Variants in ZNF318 observed in about 807,000 individuals in gnomAD.
The protein encoded by ZNF318 is zinc finger protein 318, also known as endocrine regulator.
Under a neutral mutation model 124.2 loss-of-function variants are expected in ZNF318, and 51 were observed. The observed-to-expected ratio is 0.41, with a 90% CI of 0.33 to 0.52. The LOEUF (loss-of-function observed/expected upper bound fraction) is 0.52. Ranked by LOEUF, ZNF318 falls within the 20% of genes least tolerant of loss-of-function variation. ZNF318 has a pLI of 0.23. For missense variants in ZNF318, 2,815 were observed against 2,811.2 expected, an observed-to-expected ratio of 1.00 and a Z score of -0.03; for synonymous variants, 1,090 against 1,040.7, an observed-to-expected ratio of 1.05 and a Z score of -0.91.
Position 43,355,654 on chromosome 6 carries a change from A to T in ZNF318, c.1680T>A (p.Ser560Arg), listed in dbSNP as rs1291962902. Residue 560 changes from serine (S) to arginine (R), a missense_variant, in exon 4 of 10, where the codon AGT becomes AGA. Physicochemically the swap from Ser to Arg is moderately radical, Grantham distance 110. Coordinates refer to ENST00000361428, the MANE Select transcript of ZNF318 (RefSeq NM_014345.3). Reference sequence around the variant, plus strand: ...AGCTTGCCTTCTGCCTCATAACTTCACTCTCAGAGCTCCCAAGGGGCTTTG... The same window carrying T: ...AGCTTGCCTTCTGCCTCATAACTTCTCTCTCAGAGCTCCCAAGGGGCTTTG... Reference protein sequence around the residue: ...SVPKPLGSSESEVMRQKASSL... With the variant: ...SVPKPLGSSEREVMRQKASSL... 1 of 1,613,846 alleles carries T rather than the reference A, an allele frequency of 6.2e-7. No homozygotes were observed. Among genetic ancestry groups the T allele is most frequent in the Non-Finnish European group, 8.5e-7 (1 of 1,179,952 alleles).
chr6:43,359,976 G>A (rs566676412), intron 2 of ZNF318, among the ~76,000 whole-genome samples: 9 of 152,126 alleles, frequency 5.9e-5, no homozygotes, highest in Non-Finnish European at 1.3e-4. Flanking sequence ...CCTATTTCCA[G>A]AGAGGAATGT....
At position 43,357,616 on chromosome 6, in the gene ZNF318, C is replaced by T. The variant is rs144602640; in HGVS notation, c.698G>A (p.Arg233Gln). 330 of 1,613,974 alleles carry T rather than the reference C, an allele frequency of 2.0e-4. 1 individual carries two copies. The highest frequency in any genetic ancestry group is 1.3e-3 in the Middle Eastern group (8 of 6,062). The stretch of plus-strand genomic sequence containing the variant: ...ACTGATATGGGGACTATAATCAGAT[C>T]GATGCAGGAAAGTTTCTTTTGTTCG... Reference protein sequence around the residue: ...DYRTKETFLHRSDYSPHISCH... With the variant: ...DYRTKETFLHQSDYSPHISCH... Residue 233 changes from arginine to glutamine, a missense_variant, in exon 3 of 10, where the codon CGA becomes CAA. Arg to Gln is a conservative substitution (Grantham distance 43). Coordinates refer to ENST00000361428, the MANE Select transcript of ZNF318 (RefSeq NM_014345.3).
In ZNF318 at chr6:43,357,158, T is replaced by A. The variant is rs777489663; in HGVS notation, c.1156A>T (p.Ile386Phe). 2 of 1,613,878 alleles carry A rather than the reference T, an allele frequency of 1.2e-6. No homozygotes were observed. The highest frequency in any genetic ancestry group is 1.3e-5 in the African/African-American group (1 of 75,040). ...MPKKSILKKRIEVDIMEPSMQ... is the reference protein window; with the variant it reads ...MPKKSILKKRFEVDIMEPSMQ... ...GAGGGCTCCATTATGTCCACCTCAA[T>A]CCGCTTCTTCAAAATGGATTTCTTG... The change falls in exon 3 of 10, where the codon ATT (isoleucine) becomes TTT (phenylalanine). Residue 386 changes from isoleucine (I) to phenylalanine (F), a missense_variant. By Grantham distance (21) the Ile-to-Phe change is conservative. Around this residue, in one of 4 missense-constraint regions of ZNF318, gnomAD observed 1,377 missense variants for 1,353.5 expected, o/e 1.02. Coordinates refer to ENST00000361428, the MANE Select transcript of ZNF318 (RefSeq NM_014345.3).
chr6:43,367,235 C>A (rs1182736447), intron 1 of ZNF318, among the ~76,000 whole-genome samples: 1 of 152,238 alleles, frequency 6.6e-6, no homozygotes, highest in Non-Finnish European at 1.5e-5. Flanking sequence ...TTATCCAACT[C>A]TCCCTGCTAG....
chr6:43,337,694 G>C lies in ZNF318; in HGVS notation c.6304C>G (p.Pro2102Ala). 6.2e-7 allele frequency: 1 copy of C among 1,614,056 alleles called. No homozygotes were observed. Among genetic ancestry groups the C allele is most frequent in the Non-Finnish European group, 8.5e-7 (1 of 1,179,938 alleles). Residue 2102 changes from proline to alanine, a missense_variant, in exon 10 of 10, where the codon CCT (proline) becomes GCT (alanine). This residue lies in a region of ZNF318 where 927 missense variants were observed against 820.6 expected (regional missense o/e 1.13). Coordinates refer to ENST00000361428, the MANE Select transcript of ZNF318 (RefSeq NM_014345.3). ...GTAAGTCCAGTTTTCAAAATGTTAG[G>C]AGAAGGGATCCTAACACTCCTGGGA... ...PNPRSVRIPS[P>A]NILKTGLTEN... is the part of the protein sequence containing the mutation.
chr6:43,357,246 A>G lies in ZNF318; in HGVS notation c.1068T>C (p.Gly356=). The change falls in exon 3 of 10, where the codon GGT becomes GGC. Residue 356 remains glycine, a synonymous_variant. Coordinates refer to ENST00000361428, the MANE Select transcript of ZNF318 (RefSeq NM_014345.3). The stretch of plus-strand genomic sequence containing the variant: ...ATCCTGGCTCCGATGCTGTTAGGAC[A>G]CCTGACAATCCAGGGATGGAACAGC... The part of the protein sequence containing the change: ...GTGCSIPGLS[G]VLTASEPGYS... The G allele has an allele frequency of 6.2e-7, 1 of 1,614,168 alleles. No homozygotes were observed. Among genetic ancestry groups the G allele is most frequent in the Non-Finnish European group, 8.5e-7 (1 of 1,180,020 alleles).
In ZNF318 at chr6:43,340,422, T is replaced by C. The variant is rs777104940; in HGVS notation, c.3576A>G (p.Thr1192=). ...RQAGLAVVLE[T]ERRRQSELKR... is the part of the protein sequence containing the mutation. ...TTAGCTCACTCTGCCGTCGCCGTTC[T>C]GTCTCTAGGACCACAGCCAAGCCAG... Residue 1192 remains threonine, a synonymous_variant, in exon 10 of 10, where the codon ACA becomes ACG. Coordinates refer to ENST00000361428, the MANE Select transcript of ZNF318 (RefSeq NM_014345.3). 4.5e-5 allele frequency: 73 copies of C among 1,614,056 alleles called. No individual in the cohort carries two copies. In the Admixed American group the frequency reaches 8.3e-4, roughly 18 times the overall value.
chr6:43,355,762 C>T lies in ZNF318; in HGVS notation c.1572G>A (p.Arg524=), dbSNP rs564304190. The change falls in exon 4 of 10, where the codon AGG becomes AGA. Residue 524 remains arginine (R), a synonymous_variant. Transcript: ENST00000361428. Reference sequence around the variant, plus strand: ...CTTCAATGTCGGGAAAGCTACGTCGCCTTTTTTCCTGTGTACTGGTAGAAT... The same window carrying T: ...CTTCAATGTCGGGAAAGCTACGTCGTCTTTTTTCCTGTGTACTGGTAGAAT... The part of the protein sequence containing the change: ...LADSTSTQEK[R]RRSFPDIEDE... The T allele has an allele frequency of 3.1e-6, 5 of 1,614,224 alleles. No individual in the cohort carries two copies. In the African/African-American group the frequency reaches 4.0e-5, roughly 13 times the overall value.
Position 43,348,585 on chromosome 6 carries a change from G to A in ZNF318, c.2811C>T (p.His937=), listed in dbSNP as rs922030716. Residue 937 remains histidine (H), a synonymous_variant, in exon 6 of 10, where the codon CAC becomes CAT. Transcript: ENST00000361428. ...LRKKRREKDG[H]KDPLLVEVSR... ...TCACCTCCACCAAGAGAGGATCTTT[G>A]TGGCCATCCTTCTCCCTTCGTTTCT... 1 of 1,614,052 alleles carries A rather than the reference G, an allele frequency of 6.2e-7. No homozygotes were observed. Among genetic ancestry groups the A allele is most frequent in the Non-Finnish European group, 8.5e-7 (1 of 1,180,014 alleles).
chr6:43,355,932 C>G lies in ZNF318; in HGVS notation c.1402G>C (p.Glu468Gln), dbSNP rs1393814096. 6.2e-7 allele frequency: 1 copy of G among 1,614,212 alleles called. No homozygotes were observed. Among genetic ancestry groups the G allele is most frequent in the Admixed American group, 1.7e-5 (1 of 60,030 alleles). The change falls in exon 4 of 10, where the codon GAA becomes CAA. Residue 468 changes from glutamate (E) to glutamine (Q), a missense_variant. This residue lies in a region of ZNF318 where 1,377 missense variants were observed against 1,353.5 expected (regional missense o/e 1.02). Coordinates refer to ENST00000361428, the MANE Select transcript of ZNF318 (RefSeq NM_014345.3). ...TGGCATAGAAAACTTCCAAATTTTT[C>G]TCTGAGAGGACTGTTGTCTTTGGGA... ...GIPKDNSPLR[E>Q]KFGSFLCHKD...
chr6:43,346,719 TG>T (rs1779453325), intron 6 of ZNF318, among the ~76,000 whole-genome samples: 1 of 151,534 alleles, frequency 6.6e-6, no homozygotes, highest in Non-Finnish European at 1.5e-5. Flanking sequence ...AATGGGTGAG[TG>T]GGGTTGGGAG....
rs376470195 is a variant in ZNF318, at chr6:43,354,104, TACACACACAC to T, written c.2670+550_2670+559del. ...AAATATACGTATACATACACACACA[TACACACACAC>T]ACACACGTAATTTTTTAAATAAATA... On this transcript the variant is annotated intron_variant, in intron 4 of 9. Coordinates refer to ENST00000361428, the MANE Select transcript of ZNF318 (RefSeq NM_014345.3). Among the ~76,000 whole-genome samples the T allele has an allele frequency of 1.9e-4, 28 of 150,448 alleles. No homozygotes were observed. The East Asian group carries it at 3.5e-3, about 19-fold the overall frequency.
chr6:43,368,791 T>A (rs905605669), intron 1 of ZNF318, 176 bp downstream of exon 1: 11 of 985,014 alleles, frequency 1.1e-5, no homozygotes, highest in Non-Finnish European at 1.3e-5. Flanking sequence ...GAGTCCGTTA[T>A]TGTGTCAACG....
In ZNF318 at chr6:43,339,853, G is replaced by A. The variant is rs1308524119; in HGVS notation, c.4145C>T (p.Ser1382Phe). 1 of 1,614,188 alleles carries A rather than the reference G, an allele frequency of 6.2e-7. No individual in the cohort carries two copies. Residue 1382 changes from serine to phenylalanine, a missense_variant, in exon 10 of 10, where the codon TCT (serine) becomes TTT (phenylalanine). Coordinates refer to ENST00000361428, the MANE Select transcript of ZNF318 (RefSeq NM_014345.3). The surrounding 1 kb of genome is among the most constrained non-coding windows in gnomAD (Gnocchi z 4.2). ...PLNTFLSIKS[S>F]GTTAKPLPVV... ...TGGCAGAGGTTTAGCAGTGGTTCCA[G>A]AGGACTTAATAGACAGAAAGGTGTT...
chr6:43,367,292 G>T (rs1581653859), intron 1 of ZNF318, among the ~76,000 whole-genome samples: 1 of 152,224 alleles, frequency 6.6e-6, no homozygotes, highest in East Asian at 1.9e-4. Context: ...TTTGTACTTT[G>T]TTGTATCCCC....
Position 43,355,373 on chromosome 6 carries a change from G to C in ZNF318, c.1961C>G (p.Ala654Gly), listed in dbSNP as rs746853466. ...GTGGTCAACTGAGGAACAGCGGTCA[G>C]CTGAGAAGCGGTGGTCAACTGAGGA... The part of the protein sequence containing the change: ...HCSSVDHRFS[A>G]DRCSSVDHCF... Residue 654 changes from alanine to glycine, a missense_variant, in exon 4 of 10, where the codon GCT (alanine) becomes GGT (glycine). Ala to Gly is a moderately conservative substitution (Grantham distance 60). Around this residue, in one of 4 missense-constraint regions of ZNF318, gnomAD observed 1,377 missense variants for 1,353.5 expected, o/e 1.02. Transcript: ENST00000361428. 1 of 1,614,170 alleles carries C rather than the reference G, an allele frequency of 6.2e-7. No homozygotes were observed. The highest frequency in any genetic ancestry group is 8.5e-7 in the Non-Finnish European group (1 of 1,180,028).
chr6:43,357,889 A>G (rs1237909053), intron 2 of ZNF318, 124 bp from the exon 3 acceptor site: 17 of 855,758 alleles, frequency 2.0e-5, no homozygotes, highest in Non-Finnish European at 2.9e-5. Context: ...TATAATCATG[A>G]AGTCCAAGAA....
intron 5 of ZNF318, among the ~76,000 whole-genome samples, chr6:43,349,774 T>C (rs142489913): frequency 6.6e-6 from 1 of 152,026 alleles, no homozygotes; most frequent in Admixed American, 6.6e-5. Flanking sequence ...GGGAACATTT[T>C]TGTGTGTGTG....
At position 43,369,469 on chromosome 6, in the gene ZNF318, T is replaced by G. The variant is rs1779809051; in HGVS notation, c.-104A>C. On this transcript the variant is annotated 5_prime_UTR_variant, in exon 1 of 10. Transcript: ENST00000361428. ...CTGCAGCCGCCGCCACCTCGGCCGCTGCGCGCCGCCTCAGCCGCGGGAGCA... is the reference window on the plus strand; with the variant it reads ...CTGCAGCCGCCGCCACCTCGGCCGCGGCGCGCCGCCTCAGCCGCGGGAGCA... 2.1e-6 allele frequency: 2 copies of G among 967,466 alleles called. No homozygotes were observed. The highest frequency in any genetic ancestry group is 2.6e-6 in the Non-Finnish European group (2 of 782,898). 59.9% of individuals were successfully genotyped at this position (967,466 alleles called of 1,614,324 possible).
Sources: allele counts gnomAD v4.1 joint callset (sites outside exome capture counted in the v4.1 genomes callset), GRCh38; gene constraint gnomAD v4.1.1; regional missense constraint gnomAD v4.1.1; non-coding constraint Gnocchi (gnomAD v3.1); transcripts MANE v1.5; gene names NCBI Gene and HGNC (gene_info 2026-07-23, HGNC 2026-07-21).